Variants in GNG7 observed in about 807,000 individuals in gnomAD.
The protein encoded by GNG7 is G protein subunit gamma 7.
In GNG7, 1 loss-of-function variant was observed where a neutral mutation model predicts 4.0. That is an observed-to-expected ratio of 0.25 (90% confidence interval 0.09 to 1.18). The LOEUF (loss-of-function observed/expected upper bound fraction) is 1.18. Ranked by LOEUF, GNG7 falls within the 50% of genes most tolerant of loss-of-function variation. The pLI is 0.50. For synonymous variants in GNG7, 34 were observed against 36.9 expected (o/e 0.92, Z 0.29); for missense variants, 86 against 91.9 (o/e 0.94, Z 0.26).
intron 4 of GNG7, among the ~76,000 whole-genome samples, chr19:2,516,163 G>C (rs552266289): frequency 6.6e-6 from 1 of 152,016 alleles, no homozygotes; most frequent in African/African-American, 2.4e-5. Flanking sequence ...GCTGCAGTGA[G>C]TCAAGATTAC....
intron 2 of GNG7, among the ~76,000 whole-genome samples, chr19:2,571,175 C>G (rs1980134401): frequency 6.6e-6 from 1 of 151,816 alleles, no homozygotes; most frequent in South Asian, 2.1e-4. Flanking sequence ...CGGACTGTCA[C>G]CGATGGAAGC....
intron 2 of GNG7, among the ~76,000 whole-genome samples, chr19:2,566,769 A>G (rs1349939238): frequency 1.4e-4 from 21 of 152,104 alleles, no homozygotes; most frequent in Non-Finnish European, 2.9e-5. Context: ...CGATTTCTCA[A>G]TGAGTGGGCA....
At chr19:2,562,856 G>T (rs1371417647) in intron 2 of GNG7, among the ~76,000 whole-genome samples, 5 of 152,218 alleles carry the variant, frequency 3.3e-5, no homozygotes, top group Non-Finnish European at 7.3e-5. Flanking sequence ...CCCAGGAGCT[G>T]CAGTCCCTCT....
intron 1 of GNG7, among the ~76,000 whole-genome samples, chr19:2,699,152 T>TC: frequency 6.7e-6 from 1 of 150,182 alleles, no homozygotes; most frequent in East Asian, 1.9e-4. Context: ...GTAGCCTTTT[T>TC]TTTTTTTTTT....
intron 1 of GNG7, among the ~76,000 whole-genome samples, chr19:2,659,880 T>C (rs1412761983): frequency 3.3e-5 from 5 of 152,082 alleles, no homozygotes; most frequent in African/African-American, 1.2e-4. Context: ...ACAAGCTTCC[T>C]GAATAAGCCC....
At chr19:2,619,282 A>T (rs971506240) in intron 2 of GNG7, among the ~76,000 whole-genome samples, 11 of 152,198 alleles carry the variant, frequency 7.2e-5, no homozygotes, top group Non-Finnish European at 1.6e-4. Context: ...GTTTTTGTAA[A>T]TAAAGTTTTA....
intron 2 of GNG7, among the ~76,000 whole-genome samples, chr19:2,605,958 G>A (rs1469773246): frequency 6.6e-6 from 1 of 152,174 alleles, no homozygotes; most frequent in African/African-American, 2.4e-5. Context: ...CAGACATTTA[G>A]GAGCCAATAT....
In GNG7 at chr19:2,528,810, C is replaced by T. The variant is rs78266879; in HGVS notation, c.-37-8085G>A. 9.9e-3 allele frequency among the ~76,000 whole-genome samples: 1,502 copies of T among 152,334 alleles called. 21 individuals carry two copies. The highest frequency in any genetic ancestry group is 0.034 in the African/African-American group (1,403 of 41,570). ...GGGACACTCTCATCTCTGCACCAGG[C>T]CTGGCCCCCAGGTTCCTGTGTGAGG... On this transcript the variant is annotated intron_variant, in intron 3 of 4. Transcript: ENST00000382159.
rs536407920 is a variant in GNG7, at chr19:2,572,921, T to G, written c.-77-17733A>C. Among the ~76,000 whole-genome samples, 7 of 151,982 alleles carry G rather than the reference T, an allele frequency of 4.6e-5. No individual in the cohort carries two copies. The East Asian group carries it at 1.4e-3, about 29-fold the overall frequency. On this transcript the variant is annotated intron_variant, in intron 2 of 4. Coordinates refer to ENST00000382159, the MANE Select transcript of GNG7 (RefSeq NM_052847.3). ...GAATTCCAGAACTGTTTCATCGCCT[T>G]AAATGGAAACCCCGTCCGCATTAGC...
At position 2,626,702 on chromosome 19, in the gene GNG7, G is replaced by A. The variant is rs893020330; in HGVS notation, c.-78+19522C>T. Among the ~76,000 whole-genome samples, 14 of 152,184 alleles carry A rather than the reference G, an allele frequency of 9.2e-5. 1 individual carries two copies. The highest frequency in any genetic ancestry group is 3.4e-4 in the African/African-American group (14 of 41,434). On this transcript the variant is annotated intron_variant, in intron 2 of 4. Transcript: ENST00000382159. The surrounding 1 kb of genome is among the most constrained non-coding windows in gnomAD (Gnocchi z 5.0). Reference sequence around the variant, plus strand: ...TCACTCAATCAGGGTCTCAACTGGGGTAATTCTGTCCCCTCAGGGGACACT... The same window carrying A: ...TCACTCAATCAGGGTCTCAACTGGGATAATTCTGTCCCCTCAGGGGACACT...
At chr19:2,684,377 C>T (rs1246259423) in intron 1 of GNG7, among the ~76,000 whole-genome samples, 3 of 151,524 alleles carry the variant, frequency 2.0e-5, no homozygotes, top group Non-Finnish European at 4.4e-5. Context: ...CCTCGTGATC[C>T]GCCTGCCTCA....
Position 2,611,733 on chromosome 19 carries a change from G to C in GNG7, c.-78+34491C>G, listed in dbSNP as rs1981572949. The C allele has an allele frequency of 6.6e-6, 1 of 152,172 alleles. No individual in the cohort carries two copies. Among genetic ancestry groups the C allele is most frequent in the Non-Finnish European group, 1.5e-5 (1 of 68,040 alleles). The allele number at this position is 152,172 out of a possible 1,614,324, so 9.4% of individuals were successfully genotyped here. The stretch of plus-strand genomic sequence containing the variant: ...CGCCTGTAATCCCATCTACTCAGGA[G>C]ACCGAGGCAGGAGAATCGCTCGAAC... On this transcript the variant is annotated intron_variant, in intron 2 of 4. Coordinates refer to ENST00000382159, the MANE Select transcript of GNG7 (RefSeq NM_052847.3). This position sits in a 1 kb window ranked among gnomAD's most constrained non-coding sequence, Gnocchi z 6.0.
At chr19:2,591,453 G>GTTTTTTTTTTTT (rs59564767) in intron 2 of GNG7, among the ~76,000 whole-genome samples, 1 of 123,784 alleles carries the variant, frequency 8.1e-6, no homozygotes. Flanking sequence ...AAAATAAAGG[G>GTTTTTTTTTTTT]TTTTTTTTTT....
At chr19:2,538,914 G>A (rs927654948) in intron 3 of GNG7, 9 of 197,914 alleles carry the variant, frequency 4.5e-5, no homozygotes, top group East Asian at 3.4e-4. Flanking sequence ...GATTACAGGC[G>A]CCCGCCACCA....
At chr19:2,553,634 A>G (rs1020322437) in intron 3 of GNG7, among the ~76,000 whole-genome samples, 10 of 85,140 alleles carry the variant, frequency 1.2e-4, no homozygotes, top group South Asian at 3.6e-4. Context: ...CACACGTTAC[A>G]TGTAATATGT....
chr19:2,682,382 G>A (rs986158835), intron 1 of GNG7, among the ~76,000 whole-genome samples: 3 of 151,886 alleles, frequency 2.0e-5, no homozygotes, highest in Admixed American at 6.6e-5. Flanking sequence ...GCTACAGGGC[G>A]AGCTGGGCAC....
At chr19:2,688,445 G>A (rs1264860283) in intron 1 of GNG7, among the ~76,000 whole-genome samples, 1 of 152,126 alleles carries the variant, frequency 6.6e-6, no homozygotes, top group African/African-American at 2.4e-5. Context: ...AAGTCACCAG[G>A]GTCTCAAGGA....
Position 2,649,452 on chromosome 19 carries a change from C to T in GNG7, c.-134-3172G>A, listed in dbSNP as rs1032126727. On this transcript the variant is annotated intron_variant, in intron 1 of 4. Coordinates refer to ENST00000382159, the MANE Select transcript of GNG7 (RefSeq NM_052847.3). ...TTGCTCTGTCACCCAGGCTGGAGTG[C>T]GATCTCAGCTCACTGCAAGCTCCAC... Among the ~76,000 whole-genome samples the T allele has an allele frequency of 5.2e-5, 7 of 134,422 alleles. No individual in the cohort carries two copies. The South Asian group carries it at 7.1e-4, about 14-fold the overall frequency. 88.2% of individuals were successfully genotyped at this position (134,422 alleles called of 152,430 possible). A position where few individuals can be genotyped will look rare whatever the true frequency, so the allele number is the denominator to read the frequency against.
intron 2 of GNG7, among the ~76,000 whole-genome samples, chr19:2,625,104 C>T (rs1244837459): frequency 3.3e-5 from 5 of 152,224 alleles, no homozygotes; most frequent in African/African-American, 1.2e-4. Flanking sequence ...AGATCTTGCT[C>T]TGTCGCCAGG....
Sources: gnomAD v4.1 joint callset for allele counts (sites outside exome capture counted in the v4.1 genomes callset) on GRCh38, gnomAD v4.1.1 for gene constraint, Gnocchi (gnomAD v3.1) non-coding constraint, MANE v1.5 for transcripts, NCBI Gene and HGNC (gene_info 2026-07-23, HGNC 2026-07-21) for gene names.